The following FTO variants were observed in gnomAD, a reference collection of about 807,000 sequenced individuals.
FTO encodes the protein FTO alpha-ketoglutarate dependent dioxygenase.
Under a neutral mutation model 63.9 loss-of-function variants are expected in FTO, and 47 were observed. The observed-to-expected ratio is 0.74, with a 90% CI of 0.58 to 0.94. The LOEUF is 0.94. FTO is among the 40% of genes least tolerant of loss of function. The pLI is 0.00. For synonymous variants in FTO, 207 were observed against 224.4 expected (o/e 0.92, Z 0.69); for missense variants, 562 against 618.1 (o/e 0.91, Z 0.96).
At chr16:53,842,708 CTG>C (rs1341029178) in intron 3 of FTO, among the ~76,000 whole-genome samples, 1 of 152,188 alleles carries the variant, frequency 6.6e-6, no homozygotes, top group Non-Finnish European at 1.5e-5. Context: ...GGGCCTCACT[CTG>C]TTGCCCAGAA....
chr16:53,705,121 A>G (rs2075560115), intron 1 of FTO, among the ~76,000 whole-genome samples: 1 of 151,900 alleles, frequency 6.6e-6, no homozygotes, highest in African/African-American at 2.4e-5. Context: ...TCTACACCCT[A>G]ACTTAACTCT....
At chr16:54,068,356 C>T (rs1388974496) in intron 8 of FTO, among the ~76,000 whole-genome samples, 1 of 152,108 alleles carries the variant, frequency 6.6e-6, no homozygotes, top group Non-Finnish European at 1.5e-5. Context: ...GAGCCCTGAG[C>T]TCGCCCAGCC....
At chr16:53,900,065 C>T (rs143016391) in intron 7 of FTO, among the ~76,000 whole-genome samples, 4 of 152,326 alleles carry the variant, frequency 2.6e-5, no homozygotes, top group Non-Finnish European at 4.4e-5. Context: ...GTAGCCGATG[C>T]TCAGGTCTTC....
intron 8 of FTO, among the ~76,000 whole-genome samples, chr16:53,983,320 C>T (rs2083590086): frequency 6.6e-6 from 1 of 151,864 alleles, no homozygotes; most frequent in South Asian, 2.1e-4. Context: ...TATAGTTTGC[C>T]TTTAAAACAT....
chr16:54,009,620 C>T (rs1477891503), intron 8 of FTO, among the ~76,000 whole-genome samples: 1 of 152,152 alleles, frequency 6.6e-6, no homozygotes, highest in African/African-American at 2.4e-5. Flanking sequence ...CTCCCAAGAG[C>T]CCGGTTCCCA....
At chr16:53,867,548 C>T (rs2080358942) in intron 4 of FTO, among the ~76,000 whole-genome samples, 1 of 147,500 alleles carries the variant, frequency 6.8e-6, no homozygotes, top group African/African-American at 2.5e-5. Context: ...CCTATGTATG[C>T]TTATTTGTAA....
intron 8 of FTO, among the ~76,000 whole-genome samples, chr16:53,971,904 C>T (rs2083329306): frequency 6.6e-6 from 1 of 152,182 alleles, no homozygotes; most frequent in Admixed American, 6.5e-5. Flanking sequence ...ATGATGATTG[C>T]CTGATGCCAT....
At chr16:53,957,447 G>A (rs1018094728) in intron 8 of FTO, among the ~76,000 whole-genome samples, 7 of 152,194 alleles carry the variant, frequency 4.6e-5, no homozygotes, top group African/African-American at 1.7e-4. Context: ...ACCATTGGAC[G>A]TTGTGGGAAT....
Position 53,746,045 on chromosome 16 carries a change from C to A in FTO, c.45+41816C>A, listed in dbSNP as rs117438173. Among the ~76,000 whole-genome samples the A allele has an allele frequency of 7.1e-3, 1,086 of 152,296 alleles. 8 individuals are homozygous for A. Among genetic ancestry groups the A allele is most frequent in the Middle Eastern group, 0.051 (15 of 294 alleles). ...TCAGCCTTGGTGAGGTTGTTTCTGG[C>A]AGCCTGTATCCATTTCAGTTTTCTC... On this transcript the variant is annotated intron_variant, in intron 1 of 8. Transcript: ENST00000471389.
rs146538780 is a variant in FTO, at chr16:54,114,885, C to T, written c.*2970C>T. The T allele has an allele frequency of 2.5e-3, 380 of 152,466 alleles. 1 individual carries two copies. Among genetic ancestry groups the T allele is most frequent in the African/African-American group, 3.9e-3 (164 of 41,548 alleles). The allele number at this position is 152,466 out of a possible 1,614,324, so 9.4% of individuals were successfully genotyped here. A position where few individuals can be genotyped will look rare whatever the true frequency, so the allele number is the denominator to read the frequency against. On this transcript the variant is annotated 3_prime_UTR_variant, in exon 9 of 9. Transcript: ENST00000471389. ...TGCCACTGCACTCCAGCCTGGGCCA[C>T]GGAGCGAGAGAAGAAAGAAATGGTG...
chr16:53,994,969 A>G (rs1371719033), intron 8 of FTO, among the ~76,000 whole-genome samples: 1 of 152,114 alleles, frequency 6.6e-6, no homozygotes, highest in African/African-American at 2.4e-5. Context: ...CCTGACCTCA[A>G]GTGATCCGCC....
intron 5 of FTO, among the ~76,000 whole-genome samples, chr16:53,876,842 G>A (rs548180013): frequency 8.2e-4 from 124 of 152,136 alleles, no homozygotes; most frequent in Admixed American, 1.4e-3. Context: ...CAGGAGAATC[G>A]CTTAAACCTG....
chr16:54,101,122 CT>C (rs35569804), intron 8 of FTO, among the ~76,000 whole-genome samples: 119 of 147,320 alleles, frequency 8.1e-4, no homozygotes, highest in East Asian at 7.5e-3. Flanking sequence ...TTTTTTCTTT[CT>C]TTTTTTTTTT....
At chr16:53,975,522 T>G (rs1237999114) in intron 8 of FTO, among the ~76,000 whole-genome samples, 1 of 152,126 alleles carries the variant, frequency 6.6e-6, no homozygotes. Flanking sequence ...TTGGCAAAGT[T>G]ATTCTAAATA....
chr16:54,110,372 T>C (rs2086855163), intron 8 of FTO, among the ~76,000 whole-genome samples: 1 of 152,228 alleles, frequency 6.6e-6, no homozygotes, highest in African/African-American at 2.4e-5. Flanking sequence ...TTATTATTTA[T>C]GAAGTGATGT....
chr16:53,753,252 CAAA>C (rs35605359), intron 1 of FTO, among the ~76,000 whole-genome samples: 3 of 77,950 alleles, frequency 3.8e-5, no homozygotes, highest in Admixed American at 1.6e-4. Flanking sequence ...GACCCTGTCT[CAAA>C]AAAAAAAAAA....
intron 4 of FTO, among the ~76,000 whole-genome samples, chr16:53,852,099 T>C (rs368080629): frequency 4.8e-5 from 1 of 21,010 alleles, no homozygotes; most frequent in Non-Finnish European, 8.1e-5. Context: ...CTACAAAAAA[T>C]ACAAAAAAAA....
intron 7 of FTO, among the ~76,000 whole-genome samples, chr16:53,933,766 T>C (rs772189563): frequency 6.6e-6 from 1 of 152,204 alleles, no homozygotes; most frequent in South Asian, 2.1e-4. Flanking sequence ...ATGTGTTACT[T>C]AAGGCAATGG....
At chr16:54,040,497 G>A (rs1599256564) in intron 8 of FTO, 2 of 152,204 alleles carry the variant, frequency 1.3e-5, no homozygotes, top group Admixed American at 1.3e-4. Flanking sequence ...ATTCCAGTGG[G>A]AGAAACCCGT....
Sources: allele counts gnomAD v4.1 joint callset (sites outside exome capture counted in the v4.1 genomes callset), GRCh38; gene constraint gnomAD v4.1.1; transcripts MANE v1.5; gene names NCBI Gene and HGNC (gene_info 2026-07-23, HGNC 2026-07-21).